Variants in EXD1 observed in about 807,000 individuals in gnomAD.
The protein encoded by EXD1 is piRNA biogenesis protein EXD1.
In EXD1, 63 loss-of-function variants were observed where a neutral mutation model predicts 49.1. That is an observed-to-expected ratio of 1.28 (90% CI 1.05 to 1.58). The LOEUF (loss-of-function observed/expected upper bound fraction) is 1.58. EXD1 is among the 40% of genes most tolerant of loss of function. The pLI is 0.00. For missense variants in EXD1, 748 were observed against 666.0 expected (o/e 1.12, Z -1.36); for synonymous variants, 234 against 239.2 (o/e 0.98, Z 0.20).
At position 41,215,808 on chromosome 15, in the gene EXD1, G is replaced by A; in HGVS notation, c.414C>T (p.Val138=). 2 of 1,613,972 alleles carry A rather than the reference G, an allele frequency of 1.2e-6. No individual in the cohort carries two copies. Among genetic ancestry groups the A allele is most frequent in the Non-Finnish European group, 1.7e-6 (2 of 1,179,960 alleles). Residue 138 remains valine, a synonymous_variant, in exon 6 of 12, where the codon GTC becomes GTT. Coordinates refer to ENST00000458580, the MANE Select transcript of EXD1 (RefSeq NM_001286441.2). ...PSEEEEVTYT[V]INQFQQKFGA... ...CAAACTTCTGCTGGAATTGATTAATGACTGTGTATGTCACCTCCTCTTCCT... is the reference window on the plus strand; with the variant it reads ...CAAACTTCTGCTGGAATTGATTAATAACTGTGTATGTCACCTCCTCTTCCT...
Position 41,195,757 on chromosome 15 carries a change from GTGCTTCCCTTCA to G in EXD1, c.720+6_720+17del. 1 of 1,605,604 alleles carries G rather than the reference GTGCTTCCCTTCA, an allele frequency of 6.2e-7. No individual in the cohort carries two copies. The highest frequency in any genetic ancestry group is 1.7e-5 in the Admixed American group (1 of 58,480). On this transcript the variant is annotated splice_donor_region_variant and intron_variant, in intron 9 of 11. Coordinates refer to ENST00000458580, the MANE Select transcript of EXD1 (RefSeq NM_001286441.2). ...AGCTGTATATACTGGTTTGAATCCA[GTGCTTCCCTTCA>G]TGTACCTGTGTGTCAAAGACATTAT...
At chr15:41,186,912 A>C (rs1326660221) in intron 11 of EXD1, among the ~76,000 whole-genome samples, 1 of 121,146 alleles carries the variant, frequency 8.3e-6, no homozygotes, top group Non-Finnish European at 1.7e-5. Flanking sequence ...TTTTTTTGAG[A>C]TGGAGTTTCG....
At chr15:41,201,618 T>A (rs2046730354) in intron 7 of EXD1, among the ~76,000 whole-genome samples, 1 of 151,122 alleles carries the variant, frequency 6.6e-6, no homozygotes, top group South Asian at 2.1e-4. Flanking sequence ...GCCTCCCGAG[T>A]AGCTGGGACT....
chr15:41,209,305 C>G (rs924379934), intron 7 of EXD1, among the ~76,000 whole-genome samples, 196 bp downstream of exon 7: 2 of 152,042 alleles, frequency 1.3e-5, no homozygotes, highest in Admixed American at 6.6e-5. Context: ...GTCCCAGCTA[C>G]TCAGGAGGCT....
At chr15:41,211,298 G>C (rs1352848448) in intron 6 of EXD1, among the ~76,000 whole-genome samples, 2 of 151,900 alleles carry the variant, frequency 1.3e-5, no homozygotes, top group East Asian at 3.9e-4. Flanking sequence ...TTTTTTGTAG[G>C]GGTGGGTTTG....
intron 2 of EXD1, among the ~76,000 whole-genome samples, chr15:41,223,078 T>C (rs1296340140): frequency 1.3e-5 from 2 of 151,370 alleles, no homozygotes; most frequent in African/African-American, 2.4e-5. Context: ...AGCCTCCGAA[T>C]AGCTGAGACT....
Position 41,190,024 on chromosome 15 carries a change from A to T in EXD1, c.969T>A (p.Asp323Glu). Residue 323 changes from aspartate (D) to glutamate (E), a missense_variant, in exon 11 of 12, where the codon GAT (aspartate) becomes GAA (glutamate). Asp to Glu is a conservative substitution (Grantham distance 45). Coordinates refer to ENST00000458580, the MANE Select transcript of EXD1 (RefSeq NM_001286441.2). ...GGGTGGTTAGGTCAGACATCATCTC[A>T]TCTAGGAGTGCCAAGCGAAGGGGTA... is the stretch of plus-strand genomic sequence containing the variant. Reference protein sequence around the residue: ...YLLPLRLALLDEMMSDLTTLV... With the variant: ...YLLPLRLALLEEMMSDLTTLV... The T allele has an allele frequency of 6.2e-7, 1 of 1,614,066 alleles. No homozygotes were observed. The highest frequency in any genetic ancestry group is 8.5e-7 in the Non-Finnish European group (1 of 1,180,002).
At chr15:41,223,787 C>T (rs1270374652) in intron 2 of EXD1, among the ~76,000 whole-genome samples, 1 of 150,668 alleles carries the variant, frequency 6.6e-6, no homozygotes, top group Non-Finnish European at 1.5e-5. Context: ...ATGGCTTGAA[C>T]CCGGGAGGCA....
intron 9 of EXD1, among the ~76,000 whole-genome samples, chr15:41,193,999 ATTTTTTTTTTTTTTTTT>A (rs747194413): frequency 1.2e-5 from 1 of 82,924 alleles, no homozygotes; most frequent in African/African-American, 5.7e-5. Flanking sequence ...ATGACAAGTG[ATTTTTTTTTTTTTTTTT>A]TTTTTTTTTT....
rs144246945 is a variant in EXD1 at position 41,204,797 on chromosome 15, G to T, written c.534+4704C>A. ...ACATATACACATACACACACATATA[G>T]ATAAAACTTTCCCTCTGCCTCTGTA... On this transcript the variant is annotated intron_variant, in intron 7 of 11. Coordinates refer to ENST00000458580, the MANE Select transcript of EXD1 (RefSeq NM_001286441.2). Among the ~76,000 whole-genome samples, 510 of 151,982 alleles carry T rather than the reference G, an allele frequency of 3.4e-3. 2 individuals carry two copies. Among genetic ancestry groups the T allele is most frequent in the African/African-American group, 0.012 (484 of 41,420 alleles).
At chr15:41,184,658 CTTT>C (rs11454626) in intron 11 of EXD1, 65 bp from the exon 12 acceptor site, 36 of 1,260,002 alleles carry the variant, frequency 2.9e-5, no homozygotes, top group South Asian at 8.7e-5. Context: ...CTTAAAATCA[CTTT>C]TTTTTTTTTT....
At chr15:41,199,764 A>ATGTGATATATAATATATCACATATG (rs1269494361) in intron 7 of EXD1, among the ~76,000 whole-genome samples, 912 of 20,988 alleles carry the variant, frequency 0.043, 23 homozygotes, top group Middle Eastern at 0.12. Context: ...TGATACATAT[A>ATGTGATATATAATATATCACATATG]TGATATATAT....
At chr15:41,209,620 C>T in intron 6 of EXD1, 33 bp from the exon 7 acceptor site, 1 of 1,585,642 alleles carries the variant, frequency 6.3e-7, no homozygotes, top group Non-Finnish European at 8.7e-7. Flanking sequence ...GAAAAACTTT[C>T]AGGGAATAAA....
At position 41,208,158 on chromosome 15, in the gene EXD1, C is replaced by CT. The variant is rs893490469; in HGVS notation, c.534+1342dup. 4.6e-5 allele frequency among the ~76,000 whole-genome samples: 7 copies of CT among 151,800 alleles called. No individual in the cohort carries two copies. The South Asian group carries it at 6.2e-4, about 14-fold the overall frequency. The stretch of plus-strand genomic sequence containing the variant: ...CCTGTGTTACCAGGAAGTCTACTCT[C>CT]TTTTGTTTTGGTAGATGGAAGTTTA... On this transcript the variant is annotated intron_variant, in intron 7 of 11. Transcript: ENST00000458580.
intron 9 of EXD1, among the ~76,000 whole-genome samples, chr15:41,193,441 T>C (rs1359333370): frequency 2.0e-5 from 3 of 151,808 alleles, no homozygotes; most frequent in Non-Finnish European, 4.4e-5. Context: ...ACTCCGTTTC[T>C]GGGGGGGAAA....
chr15:41,226,862 G>T (rs1363476111), intron 1 of EXD1, among the ~76,000 whole-genome samples: 6 of 152,068 alleles, frequency 3.9e-5, no homozygotes, highest in Admixed American at 3.3e-4. Context: ...TATAAAATGG[G>T]CATGATATCA....
chr15:41,195,638 T>C (rs1376145161), intron 9 of EXD1, 137 bp downstream of exon 9: 1 of 514,234 alleles, frequency 1.9e-6, no homozygotes, highest in East Asian at 3.1e-5. Context: ...ACATTTTACA[T>C]GAAAAGTGAG....
At chr15:41,187,644 G>C (rs1236567227) in intron 11 of EXD1, among the ~76,000 whole-genome samples, 2 of 152,034 alleles carry the variant, frequency 1.3e-5, no homozygotes, top group Non-Finnish European at 2.9e-5. Context: ...GTATGATTTT[G>C]TCACACTGAA....
At chr15:41,208,143 C>A (rs549146305) in intron 7 of EXD1, among the ~76,000 whole-genome samples, 3 of 151,894 alleles carry the variant, frequency 2.0e-5, no homozygotes, top group South Asian at 2.1e-4. Flanking sequence ...CCTGTGTTAC[C>A]AGGAAGTCTA....
Sources: allele counts gnomAD v4.1 joint callset (sites outside exome capture counted in the v4.1 genomes callset), GRCh38; gene constraint gnomAD v4.1.1; transcripts MANE v1.5; gene names NCBI Gene and HGNC (gene_info 2026-07-23, HGNC 2026-07-21).